The following ADAM8 variants were observed in gnomAD, a reference collection of about 807,000 sequenced individuals.
ADAM8 encodes the protein disintegrin and metalloproteinase domain-containing protein 8.
A neutral mutation model predicts 102.4 loss-of-function variants in ADAM8; 104 were observed. The observed-to-expected ratio is 1.02, with a 90% CI of 0.87 to 1.20. ADAM8 has a LOEUF of 1.20. Ranked by LOEUF, ADAM8 falls within the 50% of genes most tolerant of loss-of-function variation. ADAM8 has a pLI of 0.00. For missense variants in ADAM8, 1,132 were observed against 1,159.0 expected (o/e 0.98, Z 0.34); for synonymous variants, 517 against 485.2 (o/e 1.07, Z -0.86).
At position 133,265,658 on chromosome 10, in the gene ADAM8, A is replaced by G. The variant is rs372229497; in HGVS notation, c.2319+1694T>C. Among the ~76,000 whole-genome samples, 5 of 152,204 alleles carry G rather than the reference A, an allele frequency of 3.3e-5. No individual in the cohort carries two copies. The East Asian group carries it at 9.7e-4, about 29-fold the overall frequency. On this transcript the variant is annotated intron_variant, in intron 21 of 22. Coordinates refer to ENST00000445355, the MANE Select transcript of ADAM8 (RefSeq NM_001109.5). ...AAAAAATACAAAAATTTAGCCAGGC[A>G]TGGTCGCGGGCACCTGTAGTCTCAG...
At chr10:133,266,702 C>G (rs1209814374) in intron 21 of ADAM8, among the ~76,000 whole-genome samples, 1 of 152,210 alleles carries the variant, frequency 6.6e-6, no homozygotes, top group Non-Finnish European at 1.5e-5. Flanking sequence ...GCCCTTTCTG[C>G]TGCCCTAGCT....
At chr10:133,273,542 A>C in intron 5 of ADAM8, 99 bp from the exon 6 acceptor site, 1 of 1,379,500 alleles carries the variant, frequency 7.2e-7, no homozygotes, top group Non-Finnish European at 9.7e-7. Context: ...AGCTCCCCCT[A>C]CCCTGCCACC....
chr10:133,276,572 G>A (rs1487490150), intron 1 of ADAM8, among the ~76,000 whole-genome samples, 200 bp downstream of exon 1: 1 of 152,176 alleles, frequency 6.6e-6, no homozygotes, highest in East Asian at 1.9e-4. Flanking sequence ...GGTTCCCTCC[G>A]ACCTCCCCGG....
chr10:133,269,399 C>T, intron 18 of ADAM8, 46 bp downstream of exon 18: 1 of 1,462,682 alleles, frequency 6.8e-7, no homozygotes, highest in East Asian at 2.5e-5. Context: ...TTCGGGCCCT[C>T]TGAGCTTGGA....
intron 12 of ADAM8, 43 bp downstream of exon 12, chr10:133,271,485 G>C: frequency 6.6e-7 from 1 of 1,517,730 alleles, no homozygotes; most frequent in Non-Finnish European, 8.9e-7. Flanking sequence ...CAGAGGTTGT[G>C]GCACCCAGTG....
chr10:133,274,907 G>A (rs1846691930), intron 2 of ADAM8: 1 of 433,926 alleles, frequency 2.3e-6, no homozygotes, highest in Non-Finnish European at 4.7e-6. Flanking sequence ...CCACCGGCTG[G>A]ATGAGCCCAG....
rs1242639176 is a variant in ADAM8 at position 133,271,627 on chromosome 10, G to A, written c.1185C>T (p.Cys395=). The change falls in exon 12 of 23, where the codon TGC becomes TGT. Residue 395 remains cysteine, a synonymous_variant. Transcript: ENST00000445355. The part of the protein sequence containing the change: ...ESFLERPQSV[C]LANAPDLSHL... ...GGCTGAGGTCAGGGGCGTTGGCGAG[G>A]CACACCGACTGCGGCCGCTCCAAAA... 3 of 1,555,686 alleles carry A rather than the reference G, an allele frequency of 1.9e-6. No homozygotes were observed. The highest frequency in any genetic ancestry group is 2.6e-6 in the Non-Finnish European group (3 of 1,149,792).
intron 19 of ADAM8, 45 bp from the exon 20 acceptor site, chr10:133,268,163 G>T: frequency 4.0e-6 from 5 of 1,248,596 alleles, no homozygotes; most frequent in Non-Finnish European, 5.1e-6. Flanking sequence ...CGGCCATGGG[G>T]CCCCAGCACC....
chr10:133,263,357 A>C lies in ADAM8; in HGVS notation c.2398-124T>G, dbSNP rs991487052. 2.7e-5 allele frequency: 25 copies of C among 941,662 alleles called. 1 individual carries two copies. In the East Asian group the frequency reaches 3.4e-4, roughly 13 times the overall value. The allele number at this position is 941,662 out of a possible 1,614,324, so 58.3% of individuals were successfully genotyped here. A position where few individuals can be genotyped will look rare whatever the true frequency, so the allele number is the denominator to read the frequency against. The stretch of plus-strand genomic sequence containing the variant: ...ATGTGGATTCTTGGTTCATCCACCA[A>C]CAACATGGCCCATGCACACAATGGC... On this transcript the variant is annotated intron_variant, in intron 22 of 22. Coordinates refer to ENST00000445355, the MANE Select transcript of ADAM8 (RefSeq NM_001109.5).
rs752337146 is a variant in ADAM8 at position 133,271,019 on chromosome 10, C to T, written c.1426G>A (p.Glu476Lys). The T allele has an allele frequency of 3.7e-6, 6 of 1,612,826 alleles. No individual in the cohort carries two copies. Among genetic ancestry groups the T allele is most frequent in the South Asian group, 3.3e-5 (3 of 91,088 alleles). The change falls in exon 14 of 23, where the codon GAG (glutamate) becomes AAG (lysine). Residue 476 changes from glutamate to lysine, a missense_variant. Glu to Lys is a moderately conservative substitution (Grantham distance 56). Coordinates refer to ENST00000445355, the MANE Select transcript of ADAM8 (RefSeq NM_001109.5). ...GGGTGCCGGCCGTCACAGAACTCCTCGAGGTCACACATGTCCTTCTTGGGA... is the reference window on the plus strand; with the variant it reads ...GGGTGCCGGCCGTCACAGAACTCCTTGAGGTCACACATGTCCTTCTTGGGA... ...CRPKKDMCDL[E>K]EFCDGRHPEC...
In ADAM8 at chr10:133,270,941, A is replaced by G; in HGVS notation, c.1504T>C (p.Tyr502His). The G allele has an allele frequency of 6.2e-7, 1 of 1,612,764 alleles. No individual in the cohort carries two copies. The highest frequency in any genetic ancestry group is 8.5e-7 in the Non-Finnish European group (1 of 1,179,910). ...GTGGGACAGGCCCCGTTGTAGCAGT[A>G]GCCCCCGGAGCAGGGCGTGCCGTTC... The part of the protein sequence containing the change: ...QENGTPCSGG[Y>H]CYNGACPTLA... Residue 502 changes from tyrosine to histidine, a missense_variant, in exon 14 of 23, where the codon TAC becomes CAC. Transcript: ENST00000445355.
rs1846638130 is a variant in ADAM8 at position 133,273,771 on chromosome 10, G to C, written c.374C>G (p.Ala125Gly). 1 of 1,548,590 alleles carries C rather than the reference G, an allele frequency of 6.5e-7. No individual in the cohort carries two copies. The highest frequency in any genetic ancestry group is 2.4e-5 in the East Asian group (1 of 40,904). ...CGTCCGCCACACCCACCTGAGGCCG[G>C]CACAGGTGCTGAGGCTGGCGGCTGA... ...PDSAASLSTC[A>G]GLRGFFQVGS... The change falls in exon 5 of 23, where the codon GCC becomes GGC. Residue 125 changes from alanine to glycine, a missense_variant. Physicochemically the swap from Ala to Gly is moderately conservative, Grantham distance 60. Transcript: ENST00000445355.
chr10:133,268,568 G>A (rs991648020), intron 19 of ADAM8, among the ~76,000 whole-genome samples, 180 bp downstream of exon 19: 2 of 152,198 alleles, frequency 1.3e-5, no homozygotes, highest in African/African-American at 4.8e-5. Flanking sequence ...GGCACTGGCC[G>A]AGTGGAGCCA....
In ADAM8 at chr10:133,272,875, ACGAGACCC is replaced by A. The variant is rs1846595980; in HGVS notation, c.637-17_637-10del. ...CTCCCCAGCATCTGGAACTGGGGAC[ACGAGACCC>A]TCAGGCTGGAGCCCACACACCCCCC... On this transcript the variant is annotated splice_polypyrimidine_tract_variant and intron_variant, in intron 7 of 22. Coordinates refer to ENST00000445355, the MANE Select transcript of ADAM8 (RefSeq NM_001109.5). 4 of 1,611,248 alleles carry A rather than the reference ACGAGACCC, an allele frequency of 2.5e-6. No homozygotes were observed. Among genetic ancestry groups the A allele is most frequent in the Non-Finnish European group, 3.4e-6 (4 of 1,178,836 alleles).
In ADAM8 at chr10:133,269,990, G is replaced by T. The variant is rs371417671; in HGVS notation, c.1786-16C>A. 5.6e-6 allele frequency: 9 copies of T among 1,611,934 alleles called. No homozygotes were observed. Among genetic ancestry groups the T allele is most frequent in the Non-Finnish European group, 7.6e-6 (9 of 1,179,614 alleles). ...TCCAGCAAACCTGGGGGTAGGAGGCGTCTCTCAGGCAGCCGCTCTGGACCT... is the reference window on the plus strand; with the variant it reads ...TCCAGCAAACCTGGGGGTAGGAGGCTTCTCTCAGGCAGCCGCTCTGGACCT... On this transcript the variant is annotated splice_polypyrimidine_tract_variant and intron_variant, in intron 16 of 22. Coordinates refer to ENST00000445355, the MANE Select transcript of ADAM8 (RefSeq NM_001109.5).
Position 133,275,501 on chromosome 10 carries a change from C to T in ADAM8, c.133G>A (p.Ala45Thr). ...AGACTCACCAAGTGGGAGGGCAGAG[C>T]TCGGCGGACTCGGGGGCCTGGCAGA... ...WRLPGPRVRR[A>T]LPSHLGLHPE... Residue 45 changes from alanine (A) to threonine (T), a missense_variant, in exon 2 of 23, where the codon GCT (alanine) becomes ACT (threonine). Transcript: ENST00000445355. 5 of 1,534,066 alleles carry T rather than the reference C, an allele frequency of 3.3e-6. No homozygotes were observed. The highest frequency in any genetic ancestry group is 4.4e-6 in the Non-Finnish European group (5 of 1,140,618).
intron 22 of ADAM8, 34 bp from the exon 23 acceptor site, chr10:133,263,267 A>G: frequency 1.9e-6 from 3 of 1,558,918 alleles, no homozygotes; most frequent in Non-Finnish European, 2.6e-6. Context: ...ATGTTGAAAA[A>G]CTACCTGCTA....
rs755094141 is a variant in ADAM8, at chr10:133,271,062, C to T, written c.1383G>A (p.Pro461=). The change falls in exon 14 of 23, where the codon CCG becomes CCA. Residue 461 remains proline (P), a synonymous_variant. Coordinates refer to ENST00000445355, the MANE Select transcript of ADAM8 (RefSeq NM_001109.5). The part of the protein sequence containing the change: ...GTCCQECKVK[P]AGELCRPKKD... Reference sequence around the variant, plus strand: ...TCTTGGGACGGCACAGCTCACCAGCCGGCTTCACCTGGCCCAGCAGAGAAC... The same window carrying T: ...TCTTGGGACGGCACAGCTCACCAGCTGGCTTCACCTGGCCCAGCAGAGAAC... The T allele has an allele frequency of 1.9e-5, 30 of 1,610,454 alleles. No homozygotes were observed. The highest frequency in any genetic ancestry group is 3.3e-5 in the South Asian group (3 of 91,034).
chr10:133,273,041 C>T, intron 6 of ADAM8, 22 bp from the exon 7 acceptor site: 1 of 1,612,752 alleles, frequency 6.2e-7, no homozygotes, highest in Non-Finnish European at 8.5e-7. Context: ...CCACAAGAAG[C>T]CAGTCAGCCT....
Sources: allele counts gnomAD v4.1 joint callset (sites outside exome capture counted in the v4.1 genomes callset), GRCh38; gene constraint gnomAD v4.1.1; transcripts MANE v1.5; gene names NCBI Gene and HGNC (gene_info 2026-07-23, HGNC 2026-07-21).